USP24: variants seen among roughly 807,000 people sequenced by gnomAD.
USP24 encodes ubiquitin carboxyl-terminal hydrolase 24.
USP24 carries 97 observed loss-of-function variants against 361.6 expected under a neutral mutation model. The observed-to-expected ratio is 0.27, with a 90% CI of 0.23 to 0.32. USP24 has a LOEUF of 0.32. Among genes scored for constraint, USP24 ranks in the 10% least tolerant of loss-of-function variants. The pLI is 1.00. For synonymous variants in USP24, 1,098 were observed against 1,124.6 expected, an observed-to-expected ratio of 0.98 and a Z score of 0.47; for missense variants, 2,353 against 3,165.6, an observed-to-expected ratio of 0.74 and a Z score of 6.16.
chr1:55,176,541 T>A, intron 2 of USP24, 98 bp from the exon 3 acceptor site: 1 of 1,155,954 alleles, frequency 8.7e-7, no homozygotes. Flanking sequence ...AGGTCTTTGG[T>A]AGTTCGTAAA....
intron 8 of USP24, 126 bp downstream of exon 8, chr1:55,162,073 G>A: frequency 1.3e-6 from 1 of 770,668 alleles, no homozygotes; most frequent in Non-Finnish European, 2.0e-6. Context: ...TTATTAAAAG[G>A]ACAGCTAATG....
At chr1:55,118,776 C>A (rs1199000210) in intron 38 of USP24, among the ~76,000 whole-genome samples, 2 of 152,144 alleles carry the variant, frequency 1.3e-5, no homozygotes, top group Non-Finnish European at 2.9e-5. Flanking sequence ...AGAAGATATA[C>A]GAATGGCCAA....
At chr1:55,171,437 A>G (rs1649433002) in intron 5 of USP24, 119 bp downstream of exon 5, 2 of 1,261,650 alleles carry the variant, frequency 1.6e-6, no homozygotes, top group Non-Finnish European at 2.2e-6. Flanking sequence ...GCCAGATGGG[A>G]TATTTGTCAT....
At chr1:55,151,726 G>C (rs1278890867) in intron 16 of USP24, among the ~76,000 whole-genome samples, 1 of 152,154 alleles carries the variant, frequency 6.6e-6, no homozygotes, top group Non-Finnish European at 1.5e-5. Flanking sequence ...AGAGGACCAA[G>C]GGAGCCGAGG....
chr1:55,114,239 GA>G (rs1646039796), intron 38 of USP24, among the ~76,000 whole-genome samples: 2 of 152,176 alleles, frequency 1.3e-5, no homozygotes, highest in South Asian at 4.1e-4. Flanking sequence ...AAGGAAATAA[GA>G]GAGGACACAA....
At chr1:55,076,983 T>C (rs1645042327) in intron 62 of USP24, among the ~76,000 whole-genome samples, 1 of 152,132 alleles carries the variant, frequency 6.6e-6, no homozygotes. Context: ...TCCCCTTCAG[T>C]CCCCTGCACT....
At chr1:55,166,953 G>T (rs954252079) in intron 5 of USP24, among the ~76,000 whole-genome samples, 1 of 152,136 alleles carries the variant, frequency 6.6e-6, no homozygotes, top group Admixed American at 6.6e-5. Flanking sequence ...AACATAAGAA[G>T]CAGTAAATCA....
intron 13 of USP24, 51 bp from the exon 14 acceptor site, chr1:55,154,517 T>C (rs1647419314): frequency 6.5e-7 from 1 of 1,531,520 alleles, no homozygotes; most frequent in Non-Finnish European, 8.8e-7. Flanking sequence ...ACTGGCAAAA[T>C]ATGCAAAAAT....
intron 36 of USP24, among the ~76,000 whole-genome samples, chr1:55,122,754 G>A (rs1028985275): frequency 3.9e-5 from 6 of 152,128 alleles, no homozygotes; most frequent in Non-Finnish European, 5.9e-5. Context: ...CAGAGCAACC[G>A]GAAGAATAGA....
chr1:55,197,992 G>A (rs1569758506), intron 1 of USP24, among the ~76,000 whole-genome samples: 1 of 152,156 alleles, frequency 6.6e-6, no homozygotes, highest in Admixed American at 6.5e-5. Context: ...GTATGAGAAA[G>A]TGTTGTTTCT....
chr1:55,120,637 A>G lies in USP24; in HGVS notation c.4467T>C (p.Pro1489=). The stretch of plus-strand genomic sequence containing the variant: ...TCATAATACTAGTTGGAGACCAGAG[A>G]GGCAGCTGAGCCGTGAGGATTACGC... ...LLGVILTAQL[P]LWSPTSIMRG... is the part of the protein sequence containing the mutation. Residue 1489 remains proline (P), a synonymous_variant, in exon 38 of 68, where the codon CCT becomes CCC. Transcript: ENST00000294383. 2 of 1,558,548 alleles carry G rather than the reference A, an allele frequency of 1.3e-6. No homozygotes were observed. Among genetic ancestry groups the G allele is most frequent in the Non-Finnish European group, 1.7e-6 (2 of 1,150,250 alleles).
rs890997808 is a variant in USP24 at position 55,152,201 on chromosome 1, T to C, written c.1860+1669A>G. On this transcript the variant is annotated intron_variant, in intron 16 of 67. Transcript: ENST00000294383. Reference sequence around the variant, plus strand: ...TAATGGTACACCAGTATTTCTTTACTGGGAGCAGTGGGGAAATAAAAAAGA... The same window carrying C: ...TAATGGTACACCAGTATTTCTTTACCGGGAGCAGTGGGGAAATAAAAAAGA... Among the ~76,000 whole-genome samples the C allele has an allele frequency of 3.9e-5, 6 of 152,330 alleles. No individual in the cohort carries two copies. In the East Asian group the frequency reaches 5.8e-4, roughly 15 times the overall value.
At chr1:55,190,662 A>C (rs1405428143) in intron 1 of USP24, among the ~76,000 whole-genome samples, 1 of 152,232 alleles carries the variant, frequency 6.6e-6, no homozygotes, top group East Asian at 1.9e-4. Context: ...ATATTTATTG[A>C]GAGTGCTATG....
At chr1:55,126,559 G>A (rs893027206) in intron 32 of USP24, among the ~76,000 whole-genome samples, 1 of 152,132 alleles carries the variant, frequency 6.6e-6, no homozygotes, top group Non-Finnish European at 1.5e-5. Context: ...AACAATATCT[G>A]GTACATGAAT....
Position 55,101,384 on chromosome 1 carries a change from C to T in USP24, c.5145+200G>A, listed in dbSNP as rs531199918. Among the ~76,000 whole-genome samples, 64 of 152,304 alleles carry T rather than the reference C, an allele frequency of 4.2e-4. 1 individual carries two copies. Among genetic ancestry groups the T allele is most frequent in the African/African-American group, 1.3e-3 (56 of 41,572 alleles). On this transcript the variant is annotated intron_variant, in intron 43 of 67. Coordinates refer to ENST00000294383, the MANE Select transcript of USP24 (RefSeq NM_015306.3). ...CATTAGGTCAAGTCCATCTGTAATA[C>T]AGGCAGCTTATTACAACAGCAACTT...
chr1:55,121,822 A>G (rs1323521775), intron 36 of USP24, among the ~76,000 whole-genome samples: 1 of 152,250 alleles, frequency 6.6e-6, no homozygotes, highest in African/African-American at 2.4e-5. Context: ...CTTAAAATAA[A>G]CTTACAAATG....
Position 55,175,219 on chromosome 1 carries a change from CTTTTTTTTTTTT to C in USP24, c.558+1145_558+1156del, listed in dbSNP as rs3072970. On this transcript the variant is annotated intron_variant, in intron 3 of 67. Coordinates refer to ENST00000294383, the MANE Select transcript of USP24 (RefSeq NM_015306.3). ...ATGAACTCTTTGTTTTACTGGGTCT[CTTTTTTTTTTTT>C]TTTTTTTTTTTTTGAGACGGAGCCT... Among the ~76,000 whole-genome samples the C allele has an allele frequency of 3.3e-4, 22 of 66,932 alleles. No homozygotes were observed. In the Middle Eastern group the frequency reaches 0.027, roughly 83 times the overall value. The allele number at this position is 66,932 out of a possible 152,430, so 43.9% of individuals were successfully genotyped here. A position where few individuals can be genotyped will look rare whatever the true frequency, so the allele number is the denominator to read the frequency against.
chr1:55,096,578 A>G lies in USP24; in HGVS notation c.5981T>C (p.Ile1994Thr), dbSNP rs1645500851. 7 of 1,613,268 alleles carry G rather than the reference A, an allele frequency of 4.3e-6. No homozygotes were observed. Among genetic ancestry groups the G allele is most frequent in the East Asian group, 4.5e-5 (2 of 44,792 alleles). ...CTCGTCATTTAGGTCAAATTCTTCT[A>G]TAACTGTGTCATTAAATTTATACCA... ...GKWYKFNDTV[I>T]EEFDLNDETL... Residue 1994 changes from isoleucine (I) to threonine (T), a missense_variant, in exon 50 of 68, where the codon ATA (isoleucine) becomes ACA (threonine). Physicochemically the swap from Ile to Thr is moderately conservative, Grantham distance 89. Coordinates refer to ENST00000294383, the MANE Select transcript of USP24 (RefSeq NM_015306.3).
chr1:55,083,109 T>C (rs946399638), intron 58 of USP24, among the ~76,000 whole-genome samples, 163 bp downstream of exon 58: 1 of 152,254 alleles, frequency 6.6e-6, no homozygotes, highest in African/African-American at 2.4e-5. Flanking sequence ...CTAAATTGTA[T>C]GAAGAAGTTG....
Sources: gnomAD v4.1 joint callset for allele counts (sites outside exome capture counted in the v4.1 genomes callset) on GRCh38, gnomAD v4.1.1 for gene constraint, MANE v1.5 for transcripts, NCBI Gene and HGNC (gene_info 2026-07-23, HGNC 2026-07-21) for gene names.